PPP6R2: variants seen among roughly 807,000 people sequenced by gnomAD.
PPP6R2 encodes serine/threonine-protein phosphatase 6 regulatory subunit 2.
PPP6R2 carries 62 observed loss-of-function variants against 100.2 expected under a neutral mutation model. That is an observed-to-expected ratio of 0.62 (90% CI 0.50 to 0.76). The LOEUF (loss-of-function observed/expected upper bound fraction) is 0.76. Among genes scored for constraint, PPP6R2 ranks in the 30% least tolerant of loss-of-function variants. The pLI, the probability that PPP6R2 is intolerant of heterozygous loss-of-function variation, is 0.00. For missense variants in PPP6R2, 1,142 were observed against 1,276.3 expected, an observed-to-expected ratio of 0.89 and a Z score of 1.60; for synonymous variants, 525 against 514.7, an observed-to-expected ratio of 1.02 and a Z score of -0.27.
At chr22:50,342,311 G>A (rs1386726271), upstream of PPP6R2, among the ~76,000 whole-genome samples, 1 of 152,222 alleles carries the variant, frequency 6.6e-6, no homozygotes, top group Non-Finnish European at 1.5e-5. Context: ...CCAGAAATCT[G>A]CCCCTTAGGA....
At chr22:50,386,299 A>T (rs1255061753) in intron 2 of PPP6R2, among the ~76,000 whole-genome samples, 3 of 150,426 alleles carry the variant, frequency 2.0e-5, no homozygotes, top group Non-Finnish European at 4.4e-5. Context: ...CCGCCACCAT[A>T]CCCAGCTAAT....
At chr22:50,350,697 T>C (rs1395241484) in intron 1 of PPP6R2, among the ~76,000 whole-genome samples, 2 of 151,374 alleles carry the variant, frequency 1.3e-5, no homozygotes, top group African/African-American at 4.8e-5. Flanking sequence ...TTCAAAAAAT[T>C]AGCCGGGTGT....
At chr22:50,417,545 C>A (rs2060710251) in intron 6 of PPP6R2, among the ~76,000 whole-genome samples, 1 of 152,222 alleles carries the variant, frequency 6.6e-6, no homozygotes, top group African/African-American at 2.4e-5. Context: ...ACCACGTGTC[C>A]TTGGCAGATT....
chr22:50,351,728 T>C (rs564456367), intron 1 of PPP6R2, among the ~76,000 whole-genome samples: 1 of 152,014 alleles, frequency 6.6e-6, no homozygotes, highest in South Asian at 2.1e-4. Context: ...CTGGTTCCCG[T>C]GTTCAAGTGA....
At position 50,427,617 on chromosome 22, in the gene PPP6R2, A is replaced by G. The variant is rs993391009; in HGVS notation, c.1126-3556A>G. Among the ~76,000 whole-genome samples, 17 of 152,314 alleles carry G rather than the reference A, an allele frequency of 1.1e-4. 1 individual carries two copies. The stretch of plus-strand genomic sequence containing the variant: ...GCCCAGGCTGGAGTGCAGTGGCGCA[A>G]TCTCGGCTCACCGCAACCTTTGCCT... On this transcript the variant is annotated intron_variant, in intron 10 of 23. Transcript: ENST00000612753.
At chr22:50,405,692 C>T (rs376327611) in intron 3 of PPP6R2, among the ~76,000 whole-genome samples, 1 of 42,122 alleles carries the variant, frequency 2.4e-5, no homozygotes, top group Non-Finnish European at 4.6e-5. Context: ...GCCTGGCAGG[C>T]GAGTGTGAAG....
chr22:50,374,034 G>C (rs2148563882), intron 2 of PPP6R2, among the ~76,000 whole-genome samples: 1 of 152,242 alleles, frequency 6.6e-6, no homozygotes. Context: ...ACCGCACCCA[G>C]CCCACCATGG....
At chr22:50,393,639 G>A in intron 2 of PPP6R2, 4 of 949,632 alleles carry the variant, frequency 4.2e-6, no homozygotes, top group Non-Finnish European at 5.0e-6. Flanking sequence ...TTGAGCAGCT[G>A]GGAAGTCTGC....
intron 10 of PPP6R2, among the ~76,000 whole-genome samples, chr22:50,427,545 G>GTATT (rs1249827386): frequency 4.6e-5 from 7 of 152,156 alleles, no homozygotes; most frequent in African/African-American, 1.7e-4. Flanking sequence ...GTGTTCCTAT[G>GTATT]TATTTATTTA....
chr22:50,437,074 G>A lies in PPP6R2; in HGVS notation c.1683+6G>A, dbSNP rs2064468565. On this transcript the variant is annotated splice_donor_region_variant and intron_variant, in intron 15 of 23. Coordinates refer to ENST00000612753, the MANE Select transcript of PPP6R2 (RefSeq NM_001242898.2). The stretch of plus-strand genomic sequence containing the variant: ...ACGAGCTGTCCCTTCAGCAGGTGAG[G>A]GCGTGGCCGGCACCTGCACCCTGCC... 6.4e-7 allele frequency: 1 copy of A among 1,555,712 alleles called. No homozygotes were observed. The highest frequency in any genetic ancestry group is 8.7e-7 in the Non-Finnish European group (1 of 1,150,544).
chr22:50,413,206 A>T (rs1381941378), intron 4 of PPP6R2, among the ~76,000 whole-genome samples: 4 of 151,320 alleles, frequency 2.6e-5, no homozygotes, highest in Non-Finnish European at 5.9e-5. Context: ...CAGGTGATCC[A>T]CCCACCTCGG....
chr22:50,366,944 C>T (rs1474934702), intron 1 of PPP6R2, among the ~76,000 whole-genome samples: 1 of 151,986 alleles, frequency 6.6e-6, no homozygotes, highest in Non-Finnish European at 1.5e-5. Flanking sequence ...GCCTGGCGTC[C>T]AGTGTCTAGT....
At chr22:50,389,853 T>C (rs762416662) in intron 2 of PPP6R2, among the ~76,000 whole-genome samples, 1 of 152,140 alleles carries the variant, frequency 6.6e-6, no homozygotes, top group Non-Finnish European at 1.5e-5. Flanking sequence ...CCCCGCAAAA[T>C]GCTGGGATTA....
chr22:50,435,040 A>G lies in PPP6R2; in HGVS notation c.1475A>G (p.Glu492Gly), dbSNP rs1306676678. ...RIANAVVQNL[E>G]RGPVQTHISE... is the part of the protein sequence containing the mutation. ...GCCAACGCGGTGGTGCAGAACCTGGAGCGGGGCCCTGTGCAGACGCACATC... is the reference window on the plus strand; with the variant it reads ...GCCAACGCGGTGGTGCAGAACCTGGGGCGGGGCCCTGTGCAGACGCACATC... Residue 492 changes from glutamate (E) to glycine (G), a missense_variant, in exon 13 of 24, where the codon GAG (glutamate) becomes GGG (glycine). Physicochemically the swap from Glu to Gly is moderately conservative, Grantham distance 98. Coordinates refer to ENST00000612753, the MANE Select transcript of PPP6R2 (RefSeq NM_001242898.2). 6.3e-7 allele frequency: 1 copy of G among 1,598,008 alleles called. No homozygotes were observed. Among genetic ancestry groups the G allele is most frequent in the Non-Finnish European group, 8.5e-7 (1 of 1,171,578 alleles).
At chr22:50,442,932 AGGTG>A (rs2066036445) in intron 22 of PPP6R2, among the ~76,000 whole-genome samples, 1 of 151,418 alleles carries the variant, frequency 6.6e-6, no homozygotes. Flanking sequence ...TGGGAGGCCG[AGGTG>A]GGTGGATCAC....
intron 1 of PPP6R2, among the ~76,000 whole-genome samples, chr22:50,352,751 A>C (rs968474398): frequency 1.7e-4 from 26 of 151,590 alleles, no homozygotes; most frequent in Admixed American, 1.2e-3. Flanking sequence ...AAAAAAAAAA[A>C]ACACACAAAA....
At chr22:50,352,446 G>A (rs1329112733) in intron 1 of PPP6R2, among the ~76,000 whole-genome samples, 2 of 152,066 alleles carry the variant, frequency 1.3e-5, no homozygotes, top group East Asian at 3.9e-4. Flanking sequence ...ACTTTCTGCA[G>A]GCATTGGGTG....
At chr22:50,378,218 AT>A (rs2148629913) in intron 2 of PPP6R2, among the ~76,000 whole-genome samples, 2 of 152,326 alleles carry the variant, frequency 1.3e-5, no homozygotes, top group East Asian at 3.9e-4. Context: ...CAGTGGAGTA[AT>A]ATTTTCATTG....
At chr22:50,429,786 G>C (rs1250575140) in intron 10 of PPP6R2, among the ~76,000 whole-genome samples, 1 of 152,160 alleles carries the variant, frequency 6.6e-6, no homozygotes, top group South Asian at 2.1e-4. Context: ...CGGGCTTTTT[G>C]TTGAGAGGTA....
Sources: allele counts gnomAD v4.1 joint callset (sites outside exome capture counted in the v4.1 genomes callset), GRCh38; gene constraint gnomAD v4.1.1; transcripts MANE v1.5; gene names NCBI Gene and HGNC (gene_info 2026-07-23, HGNC 2026-07-21).